Variants in EHD3 observed in about 807,000 individuals in gnomAD.
EHD3 encodes the protein EH domain-containing protein 3.
EHD3 carries 17 observed loss-of-function variants against 43.0 expected under a neutral mutation model. That is an observed-to-expected ratio of 0.40 (90% CI 0.27 to 0.59). The LOEUF is 0.59. EHD3 is among the 20% of genes least tolerant of loss of function. The probability of loss-of-function intolerance (pLI) is 0.49; values close to 1 mark genes in which losing one functional copy is unlikely to be tolerated. For synonymous variants in EHD3, 313 were observed against 289.5 expected, an observed-to-expected ratio of 1.08 and a Z score of -0.82; for missense variants, 594 against 705.6, an observed-to-expected ratio of 0.84 and a Z score of 1.79.
At chr2:31,246,786 T>G (rs1435900382) in intron 2 of EHD3, among the ~76,000 whole-genome samples, 1 of 152,164 alleles carries the variant, frequency 6.6e-6, no homozygotes, top group Non-Finnish European at 1.5e-5. Context: ...AATATTATTA[T>G]CTTCATCTAG....
chr2:31,248,558 T>C (rs1175991121), intron 2 of EHD3, among the ~76,000 whole-genome samples: 1 of 152,154 alleles, frequency 6.6e-6, no homozygotes, highest in African/African-American at 2.4e-5. Flanking sequence ...TTGGCAAGCA[T>C]GAACCATGGC....
At chr2:31,239,839 C>G (rs3769630) in intron 1 of EHD3, among the ~76,000 whole-genome samples, 1,834 of 57,350 alleles carry the variant, frequency 0.032, 26 homozygotes, top group East Asian at 0.24. Context: ...TCTCCTCTCT[C>G]GAGCTGACTC....
Position 31,249,479 on chromosome 2 carries a change from T to G in EHD3, c.502+11T>G. 1.2e-6 allele frequency: 2 copies of G among 1,613,398 alleles called. 1 individual carries two copies. The highest frequency in any genetic ancestry group is 4.5e-5 in the East Asian group (2 of 44,858). On this transcript the variant is annotated intron_variant, in intron 3 of 5. Coordinates refer to ENST00000322054, the MANE Select transcript of EHD3 (RefSeq NM_014600.3). ...AGAGGATCAGCCGGGGTAAGCAACCTGCCTGAGGGGTGTTGGCTGTGGGCT... is the reference window on the plus strand; with the variant it reads ...AGAGGATCAGCCGGGGTAAGCAACCGGCCTGAGGGGTGTTGGCTGTGGGCT...
chr2:31,252,933 G>A (rs890428881), intron 3 of EHD3, among the ~76,000 whole-genome samples: 1 of 152,176 alleles, frequency 6.6e-6, no homozygotes, highest in Non-Finnish European at 1.5e-5. Flanking sequence ...TGGGCTGCTG[G>A]CGCCTGGGGC....
chr2:31,258,848 G>A (rs1404512964), intron 3 of EHD3, among the ~76,000 whole-genome samples: 3 of 152,202 alleles, frequency 2.0e-5, no homozygotes, highest in Non-Finnish European at 4.4e-5. Context: ...CTCTGCGCCA[G>A]ACCTACTGAA....
intron 3 of EHD3, among the ~76,000 whole-genome samples, chr2:31,254,173 C>G (rs1316480893): frequency 3.3e-5 from 5 of 152,126 alleles, no homozygotes; most frequent in Non-Finnish European, 7.4e-5. Context: ...ATTCCTGGTC[C>G]ACGGCTTCTC....
Position 31,261,698 on chromosome 2 carries a change from T to G in EHD3, c.1065T>G (p.Asn355Lys). ...AGATCTCACCTGGGGACTTCCCCAA[T>G]CTGAAGAGGATGCAGGTAGCGAGGG... ...EHQISPGDFP[N>K]LKRMQDQLQA... The change falls in exon 5 of 6, where the codon AAT (asparagine) becomes AAG (lysine). Residue 355 changes from asparagine to lysine, a missense_variant. Physicochemically the swap from Asn to Lys is moderately conservative, Grantham distance 94. Around this residue, in one of 3 missense-constraint regions of EHD3, gnomAD observed 322 missense variants for 348.0 expected, o/e 0.93. Coordinates refer to ENST00000322054, the MANE Select transcript of EHD3 (RefSeq NM_014600.3). 6.2e-7 allele frequency: 1 copy of G among 1,614,126 alleles called. No individual in the cohort carries two copies. The highest frequency in any genetic ancestry group is 8.5e-7 in the Non-Finnish European group (1 of 1,180,022).
At chr2:31,234,924 TC>T in intron 1 of EHD3, 76 bp downstream of exon 1, 1 of 1,404,018 alleles carries the variant, frequency 7.1e-7, no homozygotes, top group Non-Finnish European at 1.0e-6. Flanking sequence ...TGGTGCTCCA[TC>T]CCAGACAGGG....
rs1010697237 is a variant in EHD3 at position 31,238,666 on chromosome 2, G to A, written c.227+3818G>A. On this transcript the variant is annotated intron_variant, in intron 1 of 5. Transcript: ENST00000322054. ...TTCTCCCTTTGCTATTTCTCTGCCC[G>A]GCATGCAGCCTTGAATCCCTCCTTC... Among the ~76,000 whole-genome samples the A allele has an allele frequency of 5.9e-5, 9 of 152,118 alleles. No homozygotes were observed. In the South Asian group the frequency reaches 6.2e-4, roughly 10 times the overall value.
chr2:31,255,022 TTGTC>T (rs1268412394), intron 3 of EHD3, among the ~76,000 whole-genome samples: 1 of 152,198 alleles, frequency 6.6e-6, no homozygotes, highest in Non-Finnish European at 1.5e-5. Flanking sequence ...CTTACTGTGT[TTGTC>T]TGATTGATTT....
intron 2 of EHD3, among the ~76,000 whole-genome samples, chr2:31,245,528 A>AATATATATATATATATATAT (rs775189280): frequency 9.3e-5 from 7 of 75,070 alleles, no homozygotes; most frequent in African/African-American, 2.9e-4. Context: ...TCTTATCCCA[A>AATATATATATATATATATAT]ATATATATAT....
rs748099055 is a variant in EHD3, at chr2:31,266,457, C to T, written c.1361C>T (p.Thr454Ile). The T allele has an allele frequency of 6.2e-7, 1 of 1,614,142 alleles. No homozygotes were observed. Among genetic ancestry groups the T allele is most frequent in the African/African-American group, 1.3e-5 (1 of 75,024 alleles). The change falls in exon 6 of 6, where the codon ACC becomes ATC. Residue 454 changes from threonine to isoleucine, a missense_variant. Physicochemically the swap from Thr to Ile is moderately conservative, Grantham distance 89. Around this residue, in one of 3 missense-constraint regions of EHD3, gnomAD observed 322 missense variants for 348.0 expected, o/e 0.93. Transcript: ENST00000322054. The surrounding 1 kb of genome is among the most constrained non-coding windows in gnomAD (Gnocchi z 5.1). ...CCCATGTACGACGAGATCTTCTACACCCTGTCACCGGTGGATGGCAAGATC... is the reference window on the plus strand; with the variant it reads ...CCCATGTACGACGAGATCTTCTACATCCTGTCACCGGTGGATGGCAAGATC... ...DKPMYDEIFY[T>I]LSPVDGKITG...
Position 31,266,610 on chromosome 2 carries a change from A to G in EHD3, c.1514A>G (p.Asn505Ser). Reference sequence around the variant, plus strand: ...GACGACGACGAGTTTGCACTGGCCAACCACCTCATCAAAGTCAAGCTGGAG... The same window carrying G: ...GACGACGACGAGTTTGCACTGGCCAGCCACCTCATCAAAGTCAAGCTGGAG... ...MLDDDEFALANHLIKVKLEGH... is the reference protein window; with the variant it reads ...MLDDDEFALASHLIKVKLEGH... The change falls in exon 6 of 6, where the codon AAC becomes AGC. Residue 505 changes from asparagine (N) to serine (S), a missense_variant. Around this residue, in one of 3 missense-constraint regions of EHD3, gnomAD observed 322 missense variants for 348.0 expected, o/e 0.93. Transcript: ENST00000322054. The surrounding 1 kb of genome is among the most constrained non-coding windows in gnomAD (Gnocchi z 5.1). 1 of 1,614,084 alleles carries G rather than the reference A, an allele frequency of 6.2e-7. No homozygotes were observed. The highest frequency in any genetic ancestry group is 1.1e-5 in the South Asian group (1 of 91,080).
intron 5 of EHD3, among the ~76,000 whole-genome samples, chr2:31,263,624 G>C (rs1683893375): frequency 6.6e-6 from 1 of 152,172 alleles, no homozygotes; most frequent in African/African-American, 2.4e-5. Context: ...GGCCCTGTCT[G>C]CTCCTCCTCC....
chr2:31,268,926 C>T lies in EHD3; in HGVS notation c.*2222C>T, dbSNP rs141625357. On this transcript the variant is annotated 3_prime_UTR_variant, in exon 6 of 6. Coordinates refer to ENST00000322054, the MANE Select transcript of EHD3 (RefSeq NM_014600.3). ...TTTCCTGCCCTTCTACATATGCTGC[C>T]TCTCTTCCCTCTCTCCATCTTGAAG... 1.4e-3 allele frequency: 210 copies of T among 152,422 alleles called. 1 individual carries two copies. The highest frequency in any genetic ancestry group is 4.9e-3 in the African/African-American group (204 of 41,578). The allele number at this position is 152,422 out of a possible 1,614,324, so 9.4% of individuals were successfully genotyped here. A position where few individuals can be genotyped will look rare whatever the true frequency, so the allele number is the denominator to read the frequency against.
rs555620299 is a variant in EHD3 at position 31,267,669 on chromosome 2, A to T, written c.*965A>T. 1 of 152,660 alleles carries T rather than the reference A, an allele frequency of 6.6e-6. No homozygotes were observed. The highest frequency in any genetic ancestry group is 2.1e-4 in the South Asian group (1 of 4,826). The allele number at this position is 152,660 out of a possible 1,614,324, so 9.5% of individuals were successfully genotyped here. On this transcript the variant is annotated 3_prime_UTR_variant, in exon 6 of 6. Transcript: ENST00000322054. ...TTCTGAAACTCACAGAAGTCACGTGATGGAGAGAGGATTCAAAGCCAGGGC... is the reference window on the plus strand; with the variant it reads ...TTCTGAAACTCACAGAAGTCACGTGTTGGAGAGAGGATTCAAAGCCAGGGC...
intron 5 of EHD3, among the ~76,000 whole-genome samples, chr2:31,264,533 CTT>C (rs35446028): frequency 5.3e-5 from 6 of 114,140 alleles, no homozygotes; most frequent in African/African-American, 3.5e-5. Context: ...ACTTTACAGA[CTT>C]TTTTTTTTTT....
intron 1 of EHD3, among the ~76,000 whole-genome samples, chr2:31,237,517 G>T (rs1683345113): frequency 6.6e-6 from 1 of 152,080 alleles, no homozygotes; most frequent in African/African-American, 2.4e-5. Flanking sequence ...CAGTTCTCCT[G>T]CCTCAGCCTC....
In EHD3 at chr2:31,266,148, A is replaced by G. The variant is rs771141647; in HGVS notation, c.1081-29A>G. The G allele has an allele frequency of 1.0e-5, 16 of 1,587,380 alleles. No individual in the cohort carries two copies. Among genetic ancestry groups the G allele is most frequent in the Admixed American group, 1.7e-5 (1 of 58,314 alleles). On this transcript the variant is annotated intron_variant, in intron 5 of 5. Transcript: ENST00000322054. The surrounding 1 kb of genome is among the most constrained non-coding windows in gnomAD (Gnocchi z 5.1). ...GAGGGCTCTCCTTTCATCGTATCCTATCTTCATCCTCTCTCCTCCTCTTCC... is the reference window on the plus strand; with the variant it reads ...GAGGGCTCTCCTTTCATCGTATCCTGTCTTCATCCTCTCTCCTCCTCTTCC...
Sources: gnomAD v4.1 joint callset for allele counts (sites outside exome capture counted in the v4.1 genomes callset) on GRCh38, gnomAD v4.1.1 for gene constraint, gnomAD v4.1.1 regional missense constraint, Gnocchi (gnomAD v3.1) non-coding constraint, MANE v1.5 for transcripts, NCBI Gene and HGNC (gene_info 2026-07-23, HGNC 2026-07-21) for gene names.